Variants in ZNF385D observed in about 807,000 individuals in gnomAD.
The protein encoded by ZNF385D is zinc finger protein 659.
A neutral mutation model predicts 35.8 loss-of-function variants in ZNF385D; 15 were observed. The ratio of observed to expected loss-of-function variants is 0.42; its 90% CI spans 0.28 to 0.64. The LOEUF is 0.64. ZNF385D is among the 30% of genes least tolerant of loss of function. ZNF385D has a pLI of 0.23. For missense variants in ZNF385D, 474 were observed against 494.6 expected (o/e 0.96, Z 0.39); for synonymous variants, 212 against 186.8 (o/e 1.13, Z -1.10).
At chr3:22,276,151 AATTT>A (rs761426246) in intron 2 of ZNF385D, among the ~76,000 whole-genome samples, 3 of 151,976 alleles carry the variant, frequency 2.0e-5, no homozygotes, top group Admixed American at 2.0e-4. Flanking sequence ...CAAAAATGAA[AATTT>A]ATTATTTATT....
chr3:21,914,488 A>G (rs545732350), intron 3 of ZNF385D, among the ~76,000 whole-genome samples: 5 of 151,924 alleles, frequency 3.3e-5, no homozygotes, highest in Admixed American at 6.6e-5. Context: ...CCAAAAGATC[A>G]TATCAATGAA....
intron 3 of ZNF385D, among the ~76,000 whole-genome samples, chr3:21,795,259 G>C (rs2072098327): frequency 6.6e-6 from 1 of 152,164 alleles, no homozygotes; most frequent in African/African-American, 2.4e-5. Flanking sequence ...AGTTGCTGTA[G>C]GCCTCAGGGG....
At chr3:22,061,490 C>A (rs1054389335) in intron 3 of ZNF385D, among the ~76,000 whole-genome samples, 2 of 152,130 alleles carry the variant, frequency 1.3e-5, no homozygotes, top group Non-Finnish European at 2.9e-5. Context: ...GAATCTCACT[C>A]TTAAAAGTAT....
intron 3 of ZNF385D, among the ~76,000 whole-genome samples, chr3:22,142,740 G>T (rs911674362): frequency 6.6e-6 from 1 of 152,058 alleles, no homozygotes; most frequent in African/African-American, 2.4e-5. Context: ...TAACCTTGTG[G>T]AGTTTATTTC....
At chr3:22,036,320 T>A (rs1328260103) in intron 3 of ZNF385D, among the ~76,000 whole-genome samples, 5 of 152,180 alleles carry the variant, frequency 3.3e-5, no homozygotes. Context: ...TAATGCAGAC[T>A]GGTAGCTGTG....
chr3:22,341,318 G>A (rs1695410984), intron 2 of ZNF385D, among the ~76,000 whole-genome samples: 1 of 152,124 alleles, frequency 6.6e-6, no homozygotes, highest in Non-Finnish European at 1.5e-5. Context: ...CTTGTTTTGG[G>A]ACACAATCAC....
chr3:21,923,741 G>A (rs755069880), intron 3 of ZNF385D, among the ~76,000 whole-genome samples: 2 of 152,068 alleles, frequency 1.3e-5, no homozygotes, highest in Non-Finnish European at 2.9e-5. Flanking sequence ...TTATCATAAG[G>A]AAGTTAATGC....
chr3:22,280,799 A>G (rs1275621619), intron 2 of ZNF385D, among the ~76,000 whole-genome samples: 1 of 151,948 alleles, frequency 6.6e-6, no homozygotes, highest in Non-Finnish European at 1.5e-5. Flanking sequence ...TAGTTCTTTG[A>G]GGAATGATTG....
intron 2 of ZNF385D, among the ~76,000 whole-genome samples, chr3:22,276,207 C>T (rs9816806): frequency 0.056 from 8,506 of 152,058 alleles, 602 homozygotes; most frequent in African/African-American, 0.16. Flanking sequence ...CATTTCTATA[C>T]TTTTGGAATA....
intron 2 of ZNF385D, among the ~76,000 whole-genome samples, chr3:21,644,111 A>G (rs1369679147): frequency 6.6e-6 from 1 of 152,200 alleles, no homozygotes; most frequent in East Asian, 1.9e-4. Flanking sequence ...GCAGAACAAC[A>G]GGCAGCAAAC....
At position 22,265,971 on chromosome 3, in the gene ZNF385D, C is replaced by T. The variant is rs142672334; in HGVS notation, c.107-96936G>A. 7.9e-4 allele frequency among the ~76,000 whole-genome samples: 120 copies of T among 151,972 alleles called. 3 individuals carry two copies. In the East Asian group the frequency reaches 0.02, roughly 26 times the overall value. ...ACTTGTTTCTTTTGATTAAAATATG[C>T]TGTCTCTTCTATACTGGGACCAGCT... On this transcript the variant is annotated intron_variant, in intron 2 of 5. Transcript: ENST00000494108.
intron 3 of ZNF385D, among the ~76,000 whole-genome samples, chr3:21,897,546 T>C (rs1266663604): frequency 1.3e-5 from 2 of 152,152 alleles, no homozygotes; most frequent in Non-Finnish European, 1.5e-5. Flanking sequence ...GGTGTGCTGA[T>C]TGTGGCTAAC....
chr3:21,799,245 CT>C (rs2072290733), intron 3 of ZNF385D, among the ~76,000 whole-genome samples: 2 of 152,140 alleles, frequency 1.3e-5, no homozygotes, highest in Admixed American at 6.6e-5. Flanking sequence ...GGGAATAGTG[CT>C]GCTATAAATA....
chr3:21,681,664 A>C (rs1178336123), intron 1 of ZNF385D, among the ~76,000 whole-genome samples: 1 of 151,278 alleles, frequency 6.6e-6, no homozygotes, highest in Admixed American at 6.6e-5. Context: ...TGCATTTTCT[A>C]AAAGAATCCA....
intron 3 of ZNF385D, among the ~76,000 whole-genome samples, chr3:21,977,639 G>A (rs1382123417): frequency 6.6e-6 from 1 of 151,930 alleles, no homozygotes; most frequent in Non-Finnish European, 1.5e-5. Flanking sequence ...GGTAACACAT[G>A]AAAACGCCAT....
chr3:22,365,980 G>T (rs1257290734), intron 2 of ZNF385D, among the ~76,000 whole-genome samples: 1 of 151,926 alleles, frequency 6.6e-6, no homozygotes, highest in Non-Finnish European at 1.5e-5. Context: ...TGGGGATTCA[G>T]GATTTTTATT....
At chr3:22,019,402 A>T (rs901123718) in intron 3 of ZNF385D, among the ~76,000 whole-genome samples, 2 of 151,966 alleles carry the variant, frequency 1.3e-5, no homozygotes, top group Admixed American at 6.6e-5. Context: ...TGTCAAGGTT[A>T]CTTTTAATGT....
At chr3:21,735,207 T>C (rs1024571368) in intron 1 of ZNF385D, among the ~76,000 whole-genome samples, 2 of 152,112 alleles carry the variant, frequency 1.3e-5, no homozygotes, top group Non-Finnish European at 2.9e-5. Context: ...AAAAGTAACT[T>C]AATGTCAGTT....
intron 2 of ZNF385D, among the ~76,000 whole-genome samples, chr3:21,617,276 T>A (rs952442913): frequency 6.6e-6 from 1 of 152,168 alleles, no homozygotes; most frequent in African/African-American, 2.4e-5. Flanking sequence ...CATGTCCAGG[T>A]TTCCCTGGCA....
Sources: gnomAD v4.1 joint callset for allele counts (sites outside exome capture counted in the v4.1 genomes callset) on GRCh38, gnomAD v4.1.1 for gene constraint, MANE v1.5 for transcripts, NCBI Gene and HGNC (gene_info 2026-07-23, HGNC 2026-07-21) for gene names.